Variants in ACTA2 observed in about 807,000 individuals in gnomAD.
ACTA2 encodes the protein actin, aortic smooth muscle.
Under a neutral mutation model 39.5 loss-of-function variants are expected in ACTA2, and 12 were observed. The observed-to-expected ratio is 0.30, with a 90% CI of 0.19 to 0.49. The LOEUF (loss-of-function observed/expected upper bound fraction) is 0.49. Ranked by LOEUF, ACTA2 falls within the 20% of genes least tolerant of loss-of-function variation. The pLI is 0.99. For missense variants in ACTA2, 236 were observed against 498.8 expected, an observed-to-expected ratio of 0.47 and a Z score of 5.02; for synonymous variants, 158 against 180.6, an observed-to-expected ratio of 0.88 and a Z score of 1.00.
chr10:88,937,908 A>G (rs992191673), intron 8 of ACTA2, among the ~76,000 whole-genome samples, 153 bp downstream of exon 8: 3 of 152,206 alleles, frequency 2.0e-5, no homozygotes, highest in Non-Finnish European at 4.4e-5. Flanking sequence ...AGATTGACTT[A>G]CATCCTGTAA....
At position 88,990,888 on chromosome 10, in the gene ACTA2, C is replaced by G. The variant is rs771825085; in HGVS notation, c.-24+51G>C. ...ATTGCTCAACAACCATGCTGGGCATCTGGACCCTCCTACCTCTGGTGAGCC... is the reference window on the plus strand; with the variant it reads ...ATTGCTCAACAACCATGCTGGGCATGTGGACCCTCCTACCTCTGGTGAGCC... On this transcript the variant is annotated intron_variant, in intron 1 of 4. Transcript: ENST00000415557. The surrounding 1 kb of genome is among the most constrained non-coding windows in gnomAD (Gnocchi z 4.9). 16 of 1,614,122 alleles carry G rather than the reference C, an allele frequency of 9.9e-6. No homozygotes were observed. Among genetic ancestry groups the G allele is most frequent in the Non-Finnish European group, 1.4e-5 (16 of 1,180,040 alleles).
At chr10:88,988,711 T>C (rs1846996154) in intron 1 of ACTA2, among the ~76,000 whole-genome samples, 3 of 152,312 alleles carry the variant, frequency 2.0e-5, no homozygotes, top group Non-Finnish European at 1.5e-5. Flanking sequence ...CCAAACTGTT[T>C]TCCCCAGAAC....
At position 88,990,874 on chromosome 10, in the gene ACTA2, A is replaced by T. The variant is rs1847135565; in HGVS notation, c.-24+65T>A. 4.3e-6 allele frequency: 7 copies of T among 1,614,136 alleles called. No individual in the cohort carries two copies. Among genetic ancestry groups the T allele is most frequent in the Non-Finnish European group, 5.1e-6 (6 of 1,180,014 alleles). On this transcript the variant is annotated intron_variant, in intron 1 of 4. Coordinates refer to the ACTA2 transcript ENST00000415557. This position sits in a 1 kb window ranked among gnomAD's most constrained non-coding sequence, Gnocchi z 4.9. ...TTTCACTTCGGAGGATTGCTCAACA[A>T]CCATGCTGGGCATCTGGACCCTCCT...
intron 1 of ACTA2, among the ~76,000 whole-genome samples, chr10:88,970,778 T>C (rs1210367488): frequency 1.3e-5 from 2 of 151,938 alleles, no homozygotes; most frequent in Non-Finnish European, 2.9e-5. Flanking sequence ...AAATGACAAG[T>C]TAATGGGTAC....
intron 3 of ACTA2, among the ~76,000 whole-genome samples, chr10:88,944,281 G>A (rs1272289860): frequency 2.6e-5 from 4 of 152,060 alleles, no homozygotes; most frequent in African/African-American, 9.7e-5. Flanking sequence ...TTGGTAATAG[G>A]GAGATGAAAA....
intron 1 of ACTA2, among the ~76,000 whole-genome samples, chr10:88,951,466 A>G (rs1846047730): frequency 6.6e-6 from 1 of 151,964 alleles, no homozygotes; most frequent in African/African-American, 2.4e-5. Flanking sequence ...CCTCAGCATC[A>G]GCAAGAATGC....
chr10:88,935,399 A>G, intron 8 of ACTA2, 33 bp from the exon 9 acceptor site: 5 of 1,612,406 alleles, frequency 3.1e-6, no homozygotes, highest in Non-Finnish European at 4.2e-6. Flanking sequence ...ATGGTCATTA[A>G]TGTCATCATT....
chr10:88,987,891 A>G (rs1408416990), intron 1 of ACTA2, among the ~76,000 whole-genome samples: 2 of 152,230 alleles, frequency 1.3e-5, no homozygotes, highest in Non-Finnish European at 2.9e-5. Flanking sequence ...TTTGAGTAAA[A>G]CATTTGCTTT....
intron 1 of ACTA2, among the ~76,000 whole-genome samples, chr10:88,963,459 C>T (rs1846270490): frequency 1.3e-5 from 2 of 151,890 alleles, no homozygotes; most frequent in African/African-American, 4.8e-5. Context: ...ACTAGAATCT[C>T]ATGAGAATTT....
chr10:88,943,040 C>T (rs1334494787), intron 4 of ACTA2, among the ~76,000 whole-genome samples: 1 of 152,202 alleles, frequency 6.6e-6, no homozygotes, highest in South Asian at 2.1e-4. Flanking sequence ...TTTATGTAGT[C>T]AATATAATCA....
chr10:88,935,297 A>G lies in ACTA2; in HGVS notation c.1060T>C (p.Phe354Leu). The G allele has an allele frequency of 6.2e-7, 1 of 1,614,014 alleles. No homozygotes were observed. Among genetic ancestry groups the G allele is most frequent in the Non-Finnish European group, 8.5e-7 (1 of 1,179,880 alleles). The change falls in exon 9 of 9, where the codon TTC becomes CTC. Residue 354 changes from phenylalanine to leucine, a missense_variant. Coordinates refer to ENST00000224784, the MANE Select transcript of ACTA2 (RefSeq NM_001613.4). ...TGTTTGCTGATCCACATCTGCTGGA[A>G]GGTGGACAGAGAGGCCAGGATGGAG... is the stretch of plus-strand genomic sequence containing the variant. ...GGSILASLST[F>L]QQMWISKQEY... is the part of the protein sequence containing the mutation.
At chr10:88,948,534 A>G in intron 2 of ACTA2, 1 of 407,994 alleles carries the variant, frequency 2.5e-6, no homozygotes, top group African/African-American at 2.0e-5. Context: ...AAATGATTTG[A>G]TGATGATGAT....
At chr10:88,968,383 T>A (rs1462760720) in intron 1 of ACTA2, among the ~76,000 whole-genome samples, 5 of 152,198 alleles carry the variant, frequency 3.3e-5, no homozygotes, top group African/African-American at 1.2e-4. Flanking sequence ...TTGATCATCT[T>A]GGGTTTAAAA....
In ACTA2 at chr10:88,941,864, CATA is replaced by C. The variant is rs1193203168; in HGVS notation, c.372_374del (p.Ile124del). 6.2e-7 allele frequency: 1 copy of C among 1,611,618 alleles called. No individual in the cohort carries two copies. Among genetic ancestry groups the C allele is most frequent in the Non-Finnish European group, 8.5e-7 (1 of 1,178,860 alleles). Reference sequence around the variant, plus strand: ...TGGCTGGGACATTGAAAGTCTCAAACATAATCTGCAAAGCAATCCAAAGAGCTG... The same window carrying C: ...TGGCTGGGACATTGAAAGTCTCAAACATCTGCAAAGCAATCCAAAGAGCTG... On this transcript the variant is annotated inframe_deletion and splice_region_variant, in exon 5 of 9. Coordinates refer to ENST00000224784, the MANE Select transcript of ACTA2 (RefSeq NM_001613.4).
chr10:88,942,011 C>T (rs1275546632), intron 4 of ACTA2, 142 bp from the exon 5 acceptor site: 2 of 735,420 alleles, frequency 2.7e-6, no homozygotes, highest in East Asian at 5.4e-5. Flanking sequence ...TTCAGAACAG[C>T]CCTGGTCACG....
At chr10:88,989,576 GGTGGTAA>G (rs1187520377) in intron 1 of ACTA2, 1 of 540,598 alleles carries the variant, frequency 1.8e-6, no homozygotes, top group Non-Finnish European at 3.7e-6. Flanking sequence ...CTACAAGACT[GGTGGTAA>G]GTGCAGTGAC....
chr10:88,985,531 T>A (rs1223336395), intron 1 of ACTA2, among the ~76,000 whole-genome samples: 1 of 152,112 alleles, frequency 6.6e-6, no homozygotes, highest in South Asian at 2.1e-4. Context: ...CATTCCACAT[T>A]CTCTTTCTAT....
intron 7 of ACTA2, 93 bp downstream of exon 7, chr10:88,939,414 G>T: frequency 6.5e-7 from 1 of 1,534,560 alleles, no homozygotes; most frequent in Non-Finnish European, 9.0e-7. Context: ...TGGTCTTGGG[G>T]CAACCGTCAC....
At chr10:88,956,805 T>C (rs1589406035), upstream of ACTA2, among the ~76,000 whole-genome samples, 1 of 152,202 alleles carries the variant, frequency 6.6e-6, no homozygotes, top group Non-Finnish European at 1.5e-5. Context: ...GACTGGATAG[T>C]TTATTTAAAA....
Sources: gnomAD v4.1 joint callset for allele counts (sites outside exome capture counted in the v4.1 genomes callset) on GRCh38, gnomAD v4.1.1 for gene constraint, Gnocchi (gnomAD v3.1) non-coding constraint, MANE v1.5 for transcripts, NCBI Gene and HGNC (gene_info 2026-07-23, HGNC 2026-07-21) for gene names.